The following FARS2 variants were observed in gnomAD, a reference collection of about 807,000 sequenced individuals.
FARS2 encodes phenylalanine--tRNA ligase, mitochondrial.
FARS2 carries 40 observed loss-of-function variants against 46.4 expected under a neutral mutation model. The ratio of observed to expected loss-of-function variants is 0.86; its 90% confidence interval spans 0.67 to 1.12. The LOEUF (loss-of-function observed/expected upper bound fraction) is 1.12, where lower values mean the gene tolerates loss of function less well. Among genes scored for constraint, FARS2 ranks in the 50% most tolerant of loss-of-function variants. The pLI is 0.00. For missense variants in FARS2, 513 were observed against 567.9 expected (o/e 0.90, Z 0.98); for synonymous variants, 234 against 214.9 (o/e 1.09, Z -0.78).
intron 4 of FARS2, among the ~76,000 whole-genome samples, chr6:5,497,292 G>A (rs904317903): frequency 5.3e-5 from 8 of 152,120 alleles, no homozygotes; most frequent in African/African-American, 1.9e-4. Flanking sequence ...ATTGATAACT[G>A]TTCCCAGAGA....
rs550596702 is a variant in FARS2, at chr6:5,447,184, C to T, written c.904+16012C>T. On this transcript the variant is annotated intron_variant, in intron 4 of 6. Transcript: ENST00000274680. ...CAAGTTCAAAGACAAGGAGAACAGG[C>T]GAATTGTCTAGGCGCTAAATGATGA... Among the ~76,000 whole-genome samples, 65 of 152,162 alleles carry T rather than the reference C, an allele frequency of 4.3e-4. 1 individual carries two copies. The highest frequency in any genetic ancestry group is 7.6e-4 in the Non-Finnish European group (52 of 68,020).
At chr6:5,289,373 G>A (rs754158498) in intron 1 of FARS2, among the ~76,000 whole-genome samples, 3 of 152,170 alleles carry the variant, frequency 2.0e-5, no homozygotes, top group South Asian at 2.1e-4. Context: ...CACAAACAAA[G>A]CAATGAAAGA....
At chr6:5,678,473 A>C (rs764084537) in intron 6 of FARS2, among the ~76,000 whole-genome samples, 1 of 152,196 alleles carries the variant, frequency 6.6e-6, no homozygotes, top group Non-Finnish European at 1.5e-5. Context: ...GGCTTCTTTC[A>C]GAGGCACTAA....
In FARS2 at chr6:5,325,369, G is replaced by A. The variant is rs150627157; in HGVS notation, c.-21-43181G>A. Among the ~76,000 whole-genome samples, 330 of 152,346 alleles carry A rather than the reference G, an allele frequency of 2.2e-3. 1 individual carries two copies. The highest frequency in any genetic ancestry group is 7.6e-3 in the African/African-American group (317 of 41,576). ...CTCCCTGGTGCTAAGTGCACCTAGCGGGCATGCTAAGTACTGCCCCCTCCT... is the reference window on the plus strand; with the variant it reads ...CTCCCTGGTGCTAAGTGCACCTAGCAGGCATGCTAAGTACTGCCCCCTCCT... On this transcript the variant is annotated intron_variant, in intron 1 of 6. Coordinates refer to ENST00000274680, the MANE Select transcript of FARS2 (RefSeq NM_006567.5).
At chr6:5,702,384 C>A (rs777988453) in intron 6 of FARS2, among the ~76,000 whole-genome samples, 1 of 152,178 alleles carries the variant, frequency 6.6e-6, no homozygotes, top group Non-Finnish European at 1.5e-5. Flanking sequence ...AAAAAGTGAA[C>A]TTTTAACTTT....
chr6:5,441,592 T>G (rs1312279532), intron 4 of FARS2, among the ~76,000 whole-genome samples: 1 of 152,256 alleles, frequency 6.6e-6, no homozygotes, highest in Non-Finnish European at 1.5e-5. Flanking sequence ...TTAGTTCTTT[T>G]GTTTTTTGCA....
intron 4 of FARS2, among the ~76,000 whole-genome samples, chr6:5,476,711 C>T (rs1250903880): frequency 6.6e-6 from 1 of 152,150 alleles, no homozygotes; most frequent in East Asian, 1.9e-4. Context: ...TATTGAGAGC[C>T]TGCCCCTTGG....
intron 4 of FARS2, among the ~76,000 whole-genome samples, chr6:5,438,546 A>T (rs962099124): frequency 1.3e-5 from 2 of 151,248 alleles, no homozygotes; most frequent in African/African-American, 4.9e-5. Flanking sequence ...GTTTTGTTTT[A>T]TAGTTCCTAT....
At chr6:5,355,468 T>G (rs375137921) in intron 1 of FARS2, among the ~76,000 whole-genome samples, 100 of 151,100 alleles carry the variant, frequency 6.6e-4, no homozygotes, top group African/African-American at 2.2e-3. Flanking sequence ...GCAGTTCTCC[T>G]GCCTCAGCCT....
chr6:5,606,223 C>T (rs375981620), intron 5 of FARS2, among the ~76,000 whole-genome samples: 1 of 151,898 alleles, frequency 6.6e-6, no homozygotes, highest in African/African-American at 2.4e-5. Flanking sequence ...TAAATGCAGA[C>T]CCAGCCTCAT....
At chr6:5,333,385 C>T (rs567577643) in intron 1 of FARS2, among the ~76,000 whole-genome samples, 1 of 152,244 alleles carries the variant, frequency 6.6e-6, no homozygotes, top group South Asian at 2.1e-4. Flanking sequence ...AGAATTTGAG[C>T]CCAGGACTGT....
chr6:5,332,812 C>T (rs1312044345), intron 1 of FARS2, among the ~76,000 whole-genome samples: 2 of 152,142 alleles, frequency 1.3e-5, no homozygotes, highest in African/African-American at 2.4e-5. Flanking sequence ...ATAGGGCAAA[C>T]GCTTTCATGG....
At chr6:5,632,921 C>T (rs1039481032) in intron 6 of FARS2, among the ~76,000 whole-genome samples, 3 of 151,736 alleles carry the variant, frequency 2.0e-5, no homozygotes, top group Non-Finnish European at 2.9e-5. Context: ...CCTAACCTCT[C>T]GAAAGTGAAG....
intron 1 of FARS2, among the ~76,000 whole-genome samples, chr6:5,341,381 A>G (rs1255263453): frequency 6.7e-6 from 1 of 148,790 alleles, no homozygotes; most frequent in African/African-American, 2.5e-5. Context: ...CCTACACTGC[A>G]AAACATCAAC....
At chr6:5,653,356 A>G (rs1007007295) in intron 6 of FARS2, among the ~76,000 whole-genome samples, 1 of 152,226 alleles carries the variant, frequency 6.6e-6, no homozygotes, top group African/African-American at 2.4e-5. Context: ...GAGCTTTTCT[A>G]TGCAAACCCT....
chr6:5,463,742 A>G (rs939507058), intron 4 of FARS2, among the ~76,000 whole-genome samples: 2 of 151,232 alleles, frequency 1.3e-5, no homozygotes, highest in African/African-American at 4.9e-5. Context: ...AGCACATGTC[A>G]TTTTTCTGTT....
At chr6:5,680,493 A>G (rs897436320) in intron 6 of FARS2, among the ~76,000 whole-genome samples, 2 of 152,190 alleles carry the variant, frequency 1.3e-5, no homozygotes, top group African/African-American at 4.8e-5. Context: ...CTAGAAATAA[A>G]AGGAAAATCA....
chr6:5,490,305 C>T (rs557070056), intron 4 of FARS2, among the ~76,000 whole-genome samples: 128 of 152,118 alleles, frequency 8.4e-4, no homozygotes, highest in Non-Finnish European at 1.6e-3. Context: ...AGCTGATGGA[C>T]GTTTGGATTG....
At chr6:5,474,555 C>G (rs1040271605) in intron 4 of FARS2, among the ~76,000 whole-genome samples, 1 of 151,922 alleles carries the variant, frequency 6.6e-6, no homozygotes, top group Non-Finnish European at 1.5e-5. Flanking sequence ...AGGCTACAAA[C>G]ATGTACAGCA....
Sources: allele counts gnomAD v4.1 joint callset (sites outside exome capture counted in the v4.1 genomes callset), GRCh38; gene constraint gnomAD v4.1.1; transcripts MANE v1.5; gene names NCBI Gene and HGNC (gene_info 2026-07-23, HGNC 2026-07-21).